Variants in STIM1 observed in about 807,000 individuals in gnomAD.
The protein encoded by STIM1 is stromal interaction molecule 1.
In STIM1, 25 loss-of-function variants were observed where a neutral mutation model predicts 74.7. The ratio of observed to expected loss-of-function variants is 0.33; its 90% CI spans 0.24 to 0.47. STIM1 has a LOEUF of 0.47. Among genes scored for constraint, STIM1 ranks in the 20% least tolerant of loss-of-function variants. The pLI is 1.00. For synonymous variants in STIM1, 328 were observed against 348.8 expected (o/e 0.94, Z 0.66); for missense variants, 728 against 920.8 (o/e 0.79, Z 2.71).
intron 2 of STIM1, among the ~76,000 whole-genome samples, chr11:4,007,869 A>C (rs190688821): frequency 1.3e-5 from 2 of 152,290 alleles, no homozygotes; most frequent in Admixed American, 1.3e-4. Context: ...ACACCTCTTC[A>C]GAAGGAGCAG....
chr11:4,061,799 C>T (rs1364893927), intron 5 of STIM1, among the ~76,000 whole-genome samples: 1 of 152,066 alleles, frequency 6.6e-6, no homozygotes, highest in African/African-American at 2.4e-5. Flanking sequence ...ATATTATTCA[C>T]CTATAAATGG....
intron 2 of STIM1, among the ~76,000 whole-genome samples, chr11:4,003,649 A>G (rs2093745038): frequency 6.6e-6 from 1 of 152,078 alleles, no homozygotes; most frequent in African/African-American, 2.4e-5. Context: ...ATGGGCAAAA[A>G]CTGGAAGCAT....
Position 4,033,061 on chromosome 11 carries a change from C to T in STIM1, c.385+9074C>T, listed in dbSNP as rs979696514. On this transcript the variant is annotated intron_variant, in intron 3 of 12. Coordinates refer to ENST00000526596, the MANE Select transcript of STIM1 (RefSeq NM_001382567.1). Reference sequence around the variant, plus strand: ...AAGGTGTAAGGAAGGGATCCAGTTTCGGCTTTCTACATATGGCTAGCCAGT... The same window carrying T: ...AAGGTGTAAGGAAGGGATCCAGTTTTGGCTTTCTACATATGGCTAGCCAGT... Among the ~76,000 whole-genome samples, 13 of 152,122 alleles carry T rather than the reference C, an allele frequency of 8.5e-5. No individual in the cohort carries two copies. In the South Asian group the frequency reaches 2.1e-3, roughly 24 times the overall value.
At chr11:3,970,784 T>G (rs1217741178) in intron 2 of STIM1, among the ~76,000 whole-genome samples, 3 of 152,206 alleles carry the variant, frequency 2.0e-5, no homozygotes, top group Non-Finnish European at 4.4e-5. Flanking sequence ...GGGTTTTTCT[T>G]TTTTTGTTTT....
intron 2 of STIM1, among the ~76,000 whole-genome samples, chr11:3,989,676 A>T (rs2093590932): frequency 6.6e-6 from 1 of 152,230 alleles, no homozygotes. Flanking sequence ...TTTATATGAA[A>T]TTGAAATTTC....
intron 5 of STIM1, among the ~76,000 whole-genome samples, chr11:4,068,009 G>T (rs376582273): frequency 4.9e-4 from 74 of 152,162 alleles, no homozygotes; most frequent in Middle Eastern, 6.8e-3. Context: ...TAGTATTTCC[G>T]GACTTTATCT....
chr11:3,988,107 G>A (rs929519565), intron 2 of STIM1, among the ~76,000 whole-genome samples: 2 of 152,142 alleles, frequency 1.3e-5, no homozygotes, highest in East Asian at 3.9e-4. Context: ...TTTTCCTGCT[G>A]TTGAGTGTTT....
chr11:3,929,981 C>T (rs1284189233), intron 1 of STIM1, among the ~76,000 whole-genome samples: 1 of 152,162 alleles, frequency 6.6e-6, no homozygotes, highest in Non-Finnish European at 1.5e-5. Flanking sequence ...GCCCGGACAA[C>T]TGGACAGAGA....
At chr11:3,946,557 T>G (rs1418182957) in intron 1 of STIM1, among the ~76,000 whole-genome samples, 2 of 152,152 alleles carry the variant, frequency 1.3e-5, no homozygotes, top group East Asian at 1.9e-4. Flanking sequence ...CTTCGTTGGA[T>G]TCTAGGTTCC....
intron 3 of STIM1, among the ~76,000 whole-genome samples, chr11:4,026,180 A>C (rs2093996405): frequency 6.6e-6 from 1 of 152,222 alleles, no homozygotes; most frequent in Non-Finnish European, 1.5e-5. Context: ...ACTTGTGTTC[A>C]GAACATTAGC....
intron 1 of STIM1, among the ~76,000 whole-genome samples, chr11:3,893,614 T>C (rs1033822427): frequency 2.6e-5 from 4 of 152,104 alleles, no homozygotes; most frequent in African/African-American, 9.7e-5. Flanking sequence ...TGTATATGGT[T>C]GATAATTGTA....
chr11:4,090,358 C>T (rs2094516737), intron 12 of STIM1, among the ~76,000 whole-genome samples: 1 of 152,152 alleles, frequency 6.6e-6, no homozygotes, highest in African/African-American at 2.4e-5. Flanking sequence ...TCTTTAAAGG[C>T]CAACATCCTG....
chr11:4,055,367 T>C (rs1243609692), intron 3 of STIM1, among the ~76,000 whole-genome samples, 159 bp from the exon 4 acceptor site: 1 of 152,236 alleles, frequency 6.6e-6, no homozygotes, highest in Non-Finnish European at 1.5e-5. Flanking sequence ...GGATTTCATA[T>C]AAATAGACTC....
At chr11:3,865,978 G>A (rs943695119) in intron 1 of STIM1, among the ~76,000 whole-genome samples, 21 of 152,192 alleles carry the variant, frequency 1.4e-4, no homozygotes, top group Admixed American at 8.5e-4. Context: ...AGAAAAATCC[G>A]GAAATGAGCC....
chr11:4,019,907 A>C (rs866129274), intron 2 of STIM1, among the ~76,000 whole-genome samples: 9 of 152,084 alleles, frequency 5.9e-5, no homozygotes, highest in Admixed American at 1.3e-4. Flanking sequence ...TACCCTCCCA[A>C]CTGTAAATTT....
chr11:3,945,860 C>A (rs1211762765), intron 1 of STIM1, among the ~76,000 whole-genome samples: 2 of 152,138 alleles, frequency 1.3e-5, no homozygotes, highest in Admixed American at 6.6e-5. Flanking sequence ...TCTAGGGAAG[C>A]CTCAGAAAGC....
intron 1 of STIM1, among the ~76,000 whole-genome samples, chr11:3,891,352 C>T (rs544399765): frequency 2.0e-5 from 3 of 151,758 alleles, no homozygotes; most frequent in Admixed American, 6.6e-5. Flanking sequence ...TGCAGTGGCA[C>T]GATCTCGGCT....
At chr11:4,035,867 T>TC (rs1554967184) in intron 3 of STIM1, among the ~76,000 whole-genome samples, 228 of 139,340 alleles carry the variant, frequency 1.6e-3, no homozygotes, top group African/African-American at 5.5e-3. Context: ...TTTTTTTTTT[T>TC]CAACTTTTAA....
intron 3 of STIM1, among the ~76,000 whole-genome samples, chr11:4,033,175 T>C (rs6578434): frequency 0.22 from 32,637 of 151,360 alleles, 6,555 homozygotes; most frequent in African/African-American, 0.54. Flanking sequence ...TGTAGATATG[T>C]GGCGTTATTT....
Sources: allele counts gnomAD v4.1 joint callset (sites outside exome capture counted in the v4.1 genomes callset), GRCh38; gene constraint gnomAD v4.1.1; transcripts MANE v1.5; gene names NCBI Gene and HGNC (gene_info 2026-07-23, HGNC 2026-07-21).